ZYG11B: variants seen among roughly 807,000 people sequenced by gnomAD.
ZYG11B encodes protein zyg-11 homolog B.
In ZYG11B, 36 loss-of-function variants were observed where a neutral mutation model predicts 82.4. The ratio of observed to expected loss-of-function variants is 0.44; its 90% CI spans 0.33 to 0.58. The LOEUF (loss-of-function observed/expected upper bound fraction) is 0.58, where lower values mean the gene tolerates loss of function less well. ZYG11B is among the 20% of genes least tolerant of loss of function. The pLI, the probability that ZYG11B is intolerant of heterozygous loss-of-function variation, is 0.02. For synonymous variants in ZYG11B, 303 were observed against 312.8 expected (o/e 0.97, Z 0.33); for missense variants, 552 against 895.6 (o/e 0.62, Z 4.90).
In ZYG11B at chr1:52,726,465, C is replaced by G. The variant is rs548819631; in HGVS notation, c.-189C>G. On this transcript the variant is annotated 5_prime_UTR_variant, in exon 1 of 14. Coordinates refer to ENST00000294353, the MANE Select transcript of ZYG11B (RefSeq NM_024646.3). ...TCCTCGCGGGGGCGGAGTCTGCGCT[C>G]TGGTTCGGGCTGCGGCTGCGGCTGC... 2.7e-4 allele frequency: 135 copies of G among 496,534 alleles called. No homozygotes were observed. The highest frequency in any genetic ancestry group is 3.6e-4 in the Non-Finnish European group (115 of 318,290). 30.8% of individuals were successfully genotyped at this position (496,534 alleles called of 1,614,324 possible).
intron 3 of ZYG11B, among the ~76,000 whole-genome samples, chr1:52,773,458 C>T (rs1424364657): frequency 1.4e-5 from 2 of 140,652 alleles, no homozygotes; most frequent in Non-Finnish European, 1.5e-5. Context: ...TGGGTGACAG[C>T]GTGAGACTCC....
At chr1:52,797,076 TA>T (rs1192973124) in intron 8 of ZYG11B, among the ~76,000 whole-genome samples, 6,364 of 70,016 alleles carry the variant, frequency 0.091, 894 homozygotes, top group East Asian at 0.35. Context: ...ATATATTATA[TA>T]TTGTATATAT....
rs1410093253 is a variant in ZYG11B at position 52,824,801 on chromosome 1, TATG to T, written c.*3174_*3176del. On this transcript the variant is annotated 3_prime_UTR_variant, in exon 14 of 14. Transcript: ENST00000294353. Reference sequence around the variant, plus strand: ...ATACAGTGGATGTATGTATTGGAATTATGAGGCATAAGTAGCCAGTATCTATAG... The same window carrying T: ...ATACAGTGGATGTATGTATTGGAATTAGGCATAAGTAGCCAGTATCTATAG... 10 of 152,270 alleles carry T rather than the reference TATG, an allele frequency of 6.6e-5. No homozygotes were observed. In the East Asian group the frequency reaches 1.9e-3, roughly 29 times the overall value. The allele number at this position is 152,270 out of a possible 1,614,324, so 9.4% of individuals were successfully genotyped here. A position where few individuals can be genotyped will look rare whatever the true frequency, so the allele number is the denominator to read the frequency against.
chr1:52,730,806 C>T (rs559550315), intron 1 of ZYG11B, among the ~76,000 whole-genome samples: 12 of 149,098 alleles, frequency 8.0e-5, no homozygotes, highest in Admixed American at 6.7e-4. Flanking sequence ...GATCATGCCA[C>T]TGCACTCCAG....
intron 6 of ZYG11B, 45 bp downstream of exon 6, chr1:52,790,112 T>G (rs1343593831): frequency 2.5e-5 from 35 of 1,387,034 alleles, no homozygotes; most frequent in Non-Finnish European, 3.4e-5. Flanking sequence ...AACAGAATGT[T>G]AGAAATCTGT....
intron 6 of ZYG11B, among the ~76,000 whole-genome samples, chr1:52,792,569 T>G (rs1019207353): frequency 1.3e-5 from 2 of 152,200 alleles, no homozygotes; most frequent in Admixed American, 1.3e-4. Flanking sequence ...GGTAATAAGA[T>G]AGTAAGTAGC....
At position 52,826,512 on chromosome 1, in the gene ZYG11B, T is replaced by C. The variant is rs1645325720; in HGVS notation, c.*4883T>C. 1.3e-5 allele frequency: 2 copies of C among 152,238 alleles called. No homozygotes were observed. The highest frequency in any genetic ancestry group is 1.3e-4 in the Admixed American group (2 of 15,280). The allele number at this position is 152,238 out of a possible 1,614,324, so 9.4% of individuals were successfully genotyped here. A position where few individuals can be genotyped will look rare whatever the true frequency, so the allele number is the denominator to read the frequency against. On this transcript the variant is annotated 3_prime_UTR_variant, in exon 14 of 14. Transcript: ENST00000294353. ...CTGTTTTACCTTATTTAGTATTTCA[T>C]AGACTTTGCATGATATGGTACACTC... is the stretch of plus-strand genomic sequence containing the variant.
intron 6 of ZYG11B, among the ~76,000 whole-genome samples, chr1:52,790,643 C>T (rs544385778): frequency 5.7e-5 from 8 of 139,256 alleles, no homozygotes; most frequent in East Asian, 2.4e-4. Flanking sequence ...ATCGTTTGAA[C>T]GGAGGCGGCG....
At position 52,771,712 on chromosome 1, in the gene ZYG11B, G is replaced by A; in HGVS notation, c.889G>A (p.Val297Ile). 6.2e-7 allele frequency: 1 copy of A among 1,614,156 alleles called. No individual in the cohort carries two copies. Among genetic ancestry groups the A allele is most frequent in the Non-Finnish European group, 8.5e-7 (1 of 1,179,994 alleles). ...ACAACAACGTCCAAGCATGCAATTT[G>A]TAGGTTTGCTGGCTACTGATGCTGG... Reference protein sequence around the residue: ...FIQQRPSMQFVGLLATDAGYS... With the variant: ...FIQQRPSMQFIGLLATDAGYS... Residue 297 changes from valine (V) to isoleucine (I), a missense_variant, in exon 3 of 14, where the codon GTA becomes ATA. Around this residue, in one of 3 missense-constraint regions of ZYG11B, gnomAD observed 359 missense variants for 555.8 expected, o/e 0.65. Transcript: ENST00000294353. The surrounding 1 kb of genome is among the most constrained non-coding windows in gnomAD (Gnocchi z 5.4).
At chr1:52,766,078 G>A (rs1644680624) in intron 2 of ZYG11B, among the ~76,000 whole-genome samples, 1 of 143,726 alleles carries the variant, frequency 7.0e-6, no homozygotes, top group African/African-American at 2.5e-5. Flanking sequence ...TGCTGAGTCT[G>A]TTTTCATTTT....
chr1:52,739,483 T>C (rs1644406393), intron 1 of ZYG11B, among the ~76,000 whole-genome samples: 1 of 152,228 alleles, frequency 6.6e-6, no homozygotes, highest in Admixed American at 6.5e-5. Context: ...CTATGGGATC[T>C]GGGCAAACTG....
intron 1 of ZYG11B, 81 bp downstream of exon 1, chr1:52,726,764 C>T: frequency 7.4e-7 from 1 of 1,343,524 alleles, no homozygotes; most frequent in Non-Finnish European, 9.7e-7. Context: ...GCGGTCTTGC[C>T]CCTCCCTGTC....
rs943943208 is a variant in ZYG11B at position 52,729,260 on chromosome 1, G to A, written c.30+2577G>A. Among the ~76,000 whole-genome samples the A allele has an allele frequency of 1.5e-4, 23 of 152,198 alleles. 1 individual carries two copies. Among genetic ancestry groups the A allele is most frequent in the Admixed American group, 1.5e-3 (23 of 15,260 alleles). ...CTGGTGATCTAATCACCTCCCAAAG[G>A]CCCCACCTCCTCATACCATTACCTT... On this transcript the variant is annotated intron_variant, in intron 1 of 13. Coordinates refer to ENST00000294353, the MANE Select transcript of ZYG11B (RefSeq NM_024646.3).
intron 10 of ZYG11B, among the ~76,000 whole-genome samples, chr1:52,804,718 C>T (rs1225433866): frequency 1.3e-5 from 2 of 152,096 alleles, no homozygotes; most frequent in Admixed American, 1.3e-4. Flanking sequence ...AGGTAAAGAT[C>T]AAATGTTTTA....
At position 52,731,286 on chromosome 1, in the gene ZYG11B, A is replaced by G. The variant is rs28542555; in HGVS notation, c.30+4603A>G. ...TGAGGCTCCATCTCAAAAAAAAAGA[A>G]AAAAAAAAAAAAGAGTCCAGACAGA... On this transcript the variant is annotated intron_variant, in intron 1 of 13. Coordinates refer to ENST00000294353, the MANE Select transcript of ZYG11B (RefSeq NM_024646.3). Among the ~76,000 whole-genome samples the G allele has an allele frequency of 6.7e-4, 18 of 26,704 alleles. 1 individual carries two copies. Among genetic ancestry groups the G allele is most frequent in the African/African-American group, 5.3e-3 (18 of 3,414 alleles). The allele number at this position is 26,704 out of a possible 152,430, so 17.5% of individuals were successfully genotyped here. A position where few individuals can be genotyped will look rare whatever the true frequency, so the allele number is the denominator to read the frequency against.
intron 3 of ZYG11B, among the ~76,000 whole-genome samples, chr1:52,776,753 G>GT (rs1036814137): frequency 4.0e-5 from 6 of 151,360 alleles, no homozygotes; most frequent in South Asian, 2.1e-4. Context: ...AGCATTTTTT[G>GT]TTTTTTTCTG....
chr1:52,739,533 C>T (rs953229249), intron 1 of ZYG11B, among the ~76,000 whole-genome samples: 2 of 152,084 alleles, frequency 1.3e-5, no homozygotes, highest in African/African-American at 4.8e-5. Flanking sequence ...TGAGCTCTAA[C>T]CTCTCAATGT....
At chr1:52,811,832 C>T (rs1012036833) in intron 10 of ZYG11B, among the ~76,000 whole-genome samples, 2 of 152,062 alleles carry the variant, frequency 1.3e-5, no homozygotes, top group Non-Finnish European at 2.9e-5. Context: ...AAATTGAGAC[C>T]ATCCTGGCTA....
chr1:52,747,306 ATT>A (rs11358595), intron 1 of ZYG11B, among the ~76,000 whole-genome samples: 33 of 144,580 alleles, frequency 2.3e-4, no homozygotes, highest in Admixed American at 5.5e-4. Flanking sequence ...TTCACTTTTG[ATT>A]TTTTTTTTTT....
Sources: gnomAD v4.1 joint callset for allele counts (sites outside exome capture counted in the v4.1 genomes callset) on GRCh38, gnomAD v4.1.1 for gene constraint, gnomAD v4.1.1 regional missense constraint, Gnocchi (gnomAD v3.1) non-coding constraint, MANE v1.5 for transcripts, NCBI Gene and HGNC (gene_info 2026-07-23, HGNC 2026-07-21) for gene names.